The following GMDS variants were observed in gnomAD, a reference collection of about 807,000 sequenced individuals.
GMDS encodes GDP-mannose 4,6 dehydratase.
Under a neutral mutation model 49.9 loss-of-function variants are expected in GMDS, and 20 were observed. That is an observed-to-expected ratio of 0.40 (90% CI 0.28 to 0.58). The LOEUF (loss-of-function observed/expected upper bound fraction) is 0.58, where lower values mean the gene tolerates loss of function less well. Among genes scored for constraint, GMDS ranks in the 20% least tolerant of loss-of-function variants. The probability of loss-of-function intolerance (pLI) is 0.42; values close to 1 mark genes in which losing one functional copy is unlikely to be tolerated. For synonymous variants in GMDS, 177 were observed against 178.6 expected (o/e 0.99, Z 0.07); for missense variants, 362 against 481.4 (o/e 0.75, Z 2.32).
chr6:1,853,141 G>C (rs1757767507), intron 7 of GMDS, among the ~76,000 whole-genome samples: 1 of 152,102 alleles, frequency 6.6e-6, no homozygotes, highest in Non-Finnish European at 1.5e-5. Flanking sequence ...GGGCATACAA[G>C]AAACTCTGAA....
At chr6:1,783,530 A>C (rs1769195923) in intron 7 of GMDS, among the ~76,000 whole-genome samples, 2 of 152,250 alleles carry the variant, frequency 1.3e-5, no homozygotes, top group South Asian at 4.1e-4. Flanking sequence ...CAAATGGAGG[A>C]GCACGATTCT....
chr6:2,126,238 C>T (rs1775427823), intron 1 of GMDS, among the ~76,000 whole-genome samples: 1 of 152,196 alleles, frequency 6.6e-6, no homozygotes, highest in African/African-American at 2.4e-5. Flanking sequence ...AACTGCTCCT[C>T]TGCTTTCTGC....
At position 1,999,530 on chromosome 6, in the gene GMDS, T is replaced by G. The variant is rs566139490; in HGVS notation, c.346-38564A>C. 3.3e-5 allele frequency among the ~76,000 whole-genome samples: 5 copies of G among 151,970 alleles called. No individual in the cohort carries two copies. The South Asian group carries it at 1.0e-3, about 32-fold the overall frequency. On this transcript the variant is annotated intron_variant, in intron 4 of 10. Transcript: ENST00000380815. Reference sequence around the variant, plus strand: ...GCAAGGATACAGTGGCATGAAGATTTTGCTACAGTCTTGGAATTTACAAGT... The same window carrying G: ...GCAAGGATACAGTGGCATGAAGATTGTGCTACAGTCTTGGAATTTACAAGT...
chr6:1,762,608 C>T lies in GMDS; in HGVS notation c.772-20022G>A, dbSNP rs570275955. 2.6e-5 allele frequency among the ~76,000 whole-genome samples: 4 copies of T among 152,322 alleles called. No individual in the cohort carries two copies. In the East Asian group the frequency reaches 7.7e-4, roughly 29 times the overall value. ...GAAGATTTGTGCTTCTTTCTTTCAGCCTCCAACCTAAGAGAAAGAGCACTT... is the reference window on the plus strand; with the variant it reads ...GAAGATTTGTGCTTCTTTCTTTCAGTCTCCAACCTAAGAGAAAGAGCACTT... On this transcript the variant is annotated intron_variant, in intron 7 of 10. Transcript: ENST00000380815.
At chr6:1,636,889 T>G (rs1475063333) in intron 9 of GMDS, among the ~76,000 whole-genome samples, 1 of 152,196 alleles carries the variant, frequency 6.6e-6, no homozygotes, top group East Asian at 1.9e-4. Context: ...TAGCACAAGC[T>G]CTGAACCTGG....
chr6:2,133,082 A>C (rs911021336), intron 1 of GMDS, among the ~76,000 whole-genome samples: 1 of 152,192 alleles, frequency 6.6e-6, no homozygotes, highest in Non-Finnish European at 1.5e-5. Context: ...TGCAAAGTCC[A>C]TGCTTTGCAG....
chr6:1,714,732 C>T (rs549492878), intron 9 of GMDS, among the ~76,000 whole-genome samples: 1 of 152,370 alleles, frequency 6.6e-6, no homozygotes, highest in South Asian at 2.1e-4. Flanking sequence ...CTCCAGTTGG[C>T]AGTCGTACTC....
chr6:2,225,796 A>AC (rs773000936), intron 1 of GMDS, among the ~76,000 whole-genome samples: 1 of 152,212 alleles, frequency 6.6e-6, no homozygotes, highest in Non-Finnish European at 1.5e-5. Context: ...CTGGACCATG[A>AC]CCTACAAACA....
rs147780315 is a variant in GMDS at position 1,658,410 on chromosome 6, T to C, written c.988-33870A>G. The stretch of plus-strand genomic sequence containing the variant: ...GTATCATCCCACCGACTGCTGGCAT[T>C]CGGCCCTGCGCCCACACAGCCCAGC... On this transcript the variant is annotated intron_variant, in intron 9 of 10. Coordinates refer to ENST00000380815, the MANE Select transcript of GMDS (RefSeq NM_001500.4). Among the ~76,000 whole-genome samples, 393 of 152,356 alleles carry C rather than the reference T, an allele frequency of 2.6e-3. 1 individual carries two copies. The highest frequency in any genetic ancestry group is 9.2e-3 in the African/African-American group (381 of 41,586).
rs1002999094 is a variant in GMDS at position 1,742,456 on chromosome 6, A to G, written c.890+12T>C. ...AGAGAGCTACAAGTAGTCATTTCTC[A>G]GGTATACTTACACAATGGTTTTTCC... is the stretch of plus-strand genomic sequence containing the variant. On this transcript the variant is annotated intron_variant, in intron 8 of 10. Coordinates refer to ENST00000380815, the MANE Select transcript of GMDS (RefSeq NM_001500.4). 1.2e-5 allele frequency: 17 copies of G among 1,443,904 alleles called. No individual in the cohort carries two copies. Among genetic ancestry groups the G allele is most frequent in the Non-Finnish European group, 1.7e-5 (17 of 1,026,246 alleles). 89.4% of individuals were successfully genotyped at this position (1,443,904 alleles called of 1,614,324 possible).
chr6:1,753,453 ACACC>A (rs935304671), intron 7 of GMDS, among the ~76,000 whole-genome samples: 8 of 152,228 alleles, frequency 5.3e-5, no homozygotes, highest in African/African-American at 1.9e-4. Context: ...GGAGACTTTA[ACACC>A]CCACTGTCAA....
chr6:1,667,191 C>T (rs1166886669), intron 9 of GMDS, among the ~76,000 whole-genome samples: 1 of 152,188 alleles, frequency 6.6e-6, no homozygotes, highest in African/African-American at 2.4e-5. Context: ...CGGCCTCAGA[C>T]CAATCAAAGT....
intron 4 of GMDS, among the ~76,000 whole-genome samples, chr6:2,108,415 G>C (rs918047256): frequency 6.6e-6 from 1 of 151,594 alleles, no homozygotes; most frequent in Non-Finnish European, 1.5e-5. Flanking sequence ...TAACCAAAAA[G>C]ATGATTATCA....
chr6:1,782,069 G>T (rs900243136), intron 7 of GMDS, among the ~76,000 whole-genome samples: 1 of 152,156 alleles, frequency 6.6e-6, no homozygotes, highest in Non-Finnish European at 1.5e-5. Flanking sequence ...CTGATTTTAT[G>T]ATGAGTAAAA....
At chr6:1,777,344 G>A (rs1768878207) in intron 7 of GMDS, among the ~76,000 whole-genome samples, 1 of 152,238 alleles carries the variant, frequency 6.6e-6, no homozygotes, top group South Asian at 2.1e-4. Flanking sequence ...TTGCTTCGGA[G>A]GATGTGTGAT....
At chr6:1,661,131 G>C (rs1022235615) in intron 9 of GMDS, among the ~76,000 whole-genome samples, 1 of 152,114 alleles carries the variant, frequency 6.6e-6, no homozygotes, top group Non-Finnish European at 1.5e-5. Context: ...CAGTCCTCTC[G>C]GCTTCTGGAA....
At chr6:2,032,668 A>G (rs1289959774) in intron 4 of GMDS, among the ~76,000 whole-genome samples, 1 of 152,174 alleles carries the variant, frequency 6.6e-6, no homozygotes, top group African/African-American at 2.4e-5. Flanking sequence ...ATATAGAGAG[A>G]GGCATAAAAC....
intron 9 of GMDS, among the ~76,000 whole-genome samples, chr6:1,687,485 T>C (rs527598498): frequency 1.1e-4 from 17 of 151,710 alleles, no homozygotes; most frequent in Non-Finnish European, 2.2e-4. Flanking sequence ...ACGCTTCCCA[T>C]TGGATTCCAG....
chr6:2,181,467 G>A (rs973418240), intron 1 of GMDS, among the ~76,000 whole-genome samples: 3 of 151,976 alleles, frequency 2.0e-5, no homozygotes, highest in South Asian at 2.1e-4. Flanking sequence ...GCTGTGCTAC[G>A]TTTTATTGCA....
Sources: allele counts gnomAD v4.1 joint callset (sites outside exome capture counted in the v4.1 genomes callset), GRCh38; gene constraint gnomAD v4.1.1; transcripts MANE v1.5; gene names NCBI Gene and HGNC (gene_info 2026-07-23, HGNC 2026-07-21).